CACNA1B: variants seen among roughly 807,000 people sequenced by gnomAD.
The protein encoded by CACNA1B is voltage-dependent N-type calcium channel subunit alpha-1B.
CACNA1B carries 70 observed loss-of-function variants against 247.2 expected under a neutral mutation model. The ratio of observed to expected loss-of-function variants is 0.28; its 90% CI spans 0.23 to 0.35. CACNA1B has a LOEUF of 0.35. Ranked by LOEUF, CACNA1B falls within the 10% of genes least tolerant of loss-of-function variation. The probability of loss-of-function intolerance (pLI) is 1.00; values close to 1 mark genes in which losing one functional copy is unlikely to be tolerated. For synonymous variants in CACNA1B, 1,231 were observed against 1,294.4 expected (o/e 0.95, Z 1.05); for missense variants, 2,367 against 3,197.4 (o/e 0.74, Z 6.26).
chr9:137,878,997 G>A (rs1363839879), intron 1 of CACNA1B, 57 bp from the exon 2 acceptor site: 9 of 1,138,142 alleles, frequency 7.9e-6, no homozygotes, highest in Admixed American at 6.0e-5. Flanking sequence ...CTCTGCTGGC[G>A]TCGGCCTCGT....
chr9:138,085,649 C>T (rs1199695834), intron 36 of CACNA1B, among the ~76,000 whole-genome samples: 1 of 151,182 alleles, frequency 6.6e-6, no homozygotes, highest in African/African-American at 2.4e-5. Context: ...AGCATCAAGT[C>T]ACATATAACA....
intron 10 of CACNA1B, among the ~76,000 whole-genome samples, chr9:137,969,153 G>T (rs902019578): frequency 2.6e-5 from 4 of 152,228 alleles, no homozygotes; most frequent in African/African-American, 9.6e-5. Flanking sequence ...TTGCTGAGCT[G>T]GGATGTGAGG....
chr9:138,073,858 T>C lies in CACNA1B; in HGVS notation c.4792-143T>C, dbSNP rs1960218495. On this transcript the variant is annotated intron_variant, in intron 33 of 46. Coordinates refer to ENST00000371372, the MANE Select transcript of CACNA1B (RefSeq NM_000718.4). This position sits in a 1 kb window ranked among gnomAD's most constrained non-coding sequence, Gnocchi z 6.4. ...AGAGATAAAGAAACTGGGGCATCAC[T>C]TGGTGGAGGGGCTTGGTGGCCAGTG... 2.6e-5 allele frequency: 18 copies of C among 697,216 alleles called. No homozygotes were observed. Among genetic ancestry groups the C allele is most frequent in the Admixed American group, 1.4e-4 (6 of 43,470 alleles). The allele number at this position is 697,216 out of a possible 1,614,324, so 43.2% of individuals were successfully genotyped here.
intron 21 of CACNA1B, among the ~76,000 whole-genome samples, chr9:138,045,270 C>A (rs926955576): frequency 6.6e-6 from 1 of 152,084 alleles, no homozygotes; most frequent in African/African-American, 2.4e-5. Context: ...CCGGAGCACA[C>A]TGAGAAGCGT....
At chr9:137,963,882 A>C (rs893789874) in intron 10 of CACNA1B, among the ~76,000 whole-genome samples, 1 of 152,176 alleles carries the variant, frequency 6.6e-6, no homozygotes, top group Non-Finnish European at 1.5e-5. Context: ...CTTGTAGGGC[A>C]GGTCTGGTAA....
intron 6 of CACNA1B, among the ~76,000 whole-genome samples, chr9:137,936,369 C>T (rs1957668917): frequency 6.6e-6 from 1 of 152,088 alleles, no homozygotes; most frequent in Non-Finnish European, 1.5e-5. Flanking sequence ...GTTCTTTGTG[C>T]ATTCTGGATA....
Position 138,073,442 on chromosome 9 carries a change from C to T in CACNA1B, c.4675-46C>T, listed in dbSNP as rs202018570. 1 of 1,252,702 alleles carries T rather than the reference C, an allele frequency of 8.0e-7. No homozygotes were observed. The highest frequency in any genetic ancestry group is 1.2e-6 in the Non-Finnish European group (1 of 852,238). 77.6% of individuals were successfully genotyped at this position (1,252,702 alleles called of 1,614,324 possible). ...GTAGGGTGGCAGCAGCTTGCCTGCGCTTTCGGGGCTTCTGAAGGTCAGAGA... is the reference window on the plus strand; with the variant it reads ...GTAGGGTGGCAGCAGCTTGCCTGCGTTTTCGGGGCTTCTGAAGGTCAGAGA... On this transcript the variant is annotated intron_variant, in intron 32 of 46. Coordinates refer to ENST00000371372, the MANE Select transcript of CACNA1B (RefSeq NM_000718.4). This position sits in a 1 kb window ranked among gnomAD's most constrained non-coding sequence, Gnocchi z 6.4.
intron 20 of CACNA1B, among the ~76,000 whole-genome samples, chr9:138,027,251 G>A (rs1018466693): frequency 6.6e-6 from 1 of 151,870 alleles, no homozygotes; most frequent in Admixed American, 6.6e-5. Flanking sequence ...TGGTGTTTTC[G>A]ATTGCTAAAA....
intron 20 of CACNA1B, among the ~76,000 whole-genome samples, chr9:138,037,236 C>G (rs1181420796): frequency 6.6e-6 from 1 of 152,208 alleles, no homozygotes; most frequent in Non-Finnish European, 1.5e-5. Flanking sequence ...AGCCTTGGAG[C>G]TGTTGAAGCT....
intron 3 of CACNA1B, among the ~76,000 whole-genome samples, chr9:137,898,519 T>G (rs535873452): frequency 1.3e-5 from 2 of 152,184 alleles, no homozygotes; most frequent in Non-Finnish European, 2.9e-5. Context: ...TTCTTTTTAT[T>G]TTTTGAGACA....
In CACNA1B at chr9:138,012,223, G is replaced by T. The variant is rs1322246754; in HGVS notation, c.2161-906G>T. ...GGGGAAATGGGGACAGACATGGTCT[G>T]CTGGCTCCAGGCAGAAAAGCTCAAA... On this transcript the variant is annotated intron_variant, in intron 17 of 46. Coordinates refer to ENST00000371372, the MANE Select transcript of CACNA1B (RefSeq NM_000718.4). The surrounding 1 kb of genome is among the most constrained non-coding windows in gnomAD (Gnocchi z 4.2). Among the ~76,000 whole-genome samples, 1 of 152,216 alleles carries T rather than the reference G, an allele frequency of 6.6e-6. No homozygotes were observed. The highest frequency in any genetic ancestry group is 2.4e-5 in the African/African-American group (1 of 41,468).
chr9:137,957,731 G>T lies in CACNA1B; in HGVS notation c.1333+44G>T. 7.2e-7 allele frequency: 1 copy of T among 1,388,468 alleles called. No individual in the cohort carries two copies. The highest frequency in any genetic ancestry group is 9.9e-7 in the Non-Finnish European group (1 of 1,013,380). 86.0% of individuals were successfully genotyped at this position (1,388,468 alleles called of 1,614,324 possible). ...CTCCAGCTCTGCCAGGCTTGAGCTG[G>T]ACATGGAGTGCATGCTCCGCTTCCC... On this transcript the variant is annotated intron_variant, in intron 10 of 46. Coordinates refer to ENST00000371372, the MANE Select transcript of CACNA1B (RefSeq NM_000718.4). This position sits in a 1 kb window ranked among gnomAD's most constrained non-coding sequence, Gnocchi z 4.7.
chr9:138,077,248 G>C (rs1960358298), intron 35 of CACNA1B, among the ~76,000 whole-genome samples: 1 of 152,202 alleles, frequency 6.6e-6, no homozygotes, highest in African/African-American at 2.4e-5. Context: ...CGGAGGTGGG[G>C]ACCCAGGCCT....
chr9:138,082,477 C>T (rs780773661), intron 36 of CACNA1B, among the ~76,000 whole-genome samples: 2 of 151,272 alleles, frequency 1.3e-5, no homozygotes. Flanking sequence ...TACAGCTTAG[C>T]GTTTGCCTTA....
chr9:138,084,124 T>C (rs4066674), intron 36 of CACNA1B, among the ~76,000 whole-genome samples: 28,294 of 150,772 alleles, frequency 0.19, 3,435 homozygotes, highest in East Asian at 0.39. Context: ...TGCTAGGGAA[T>C]GGCTTAGAAT....
intron 6 of CACNA1B, among the ~76,000 whole-genome samples, chr9:137,935,878 C>T (rs763604681): frequency 4.0e-5 from 6 of 151,820 alleles, no homozygotes; most frequent in African/African-American, 1.2e-4. Context: ...TGCAGTGGCA[C>T]GATCTTGGCT....
chr9:138,048,825 C>G (rs1959206484), intron 23 of CACNA1B, among the ~76,000 whole-genome samples: 1 of 152,232 alleles, frequency 6.6e-6, no homozygotes, highest in Non-Finnish European at 1.5e-5. Context: ...TCAAGCAATT[C>G]TCATGCCTCA....
intron 40 of CACNA1B, 37 bp downstream of exon 40, chr9:138,112,542 C>T (rs201390561): frequency 1.5e-5 from 20 of 1,328,526 alleles, no homozygotes; most frequent in Non-Finnish European, 2.2e-5. Context: ...CAGCCCCCAC[C>T]TTTACTGTCC....
chr9:138,098,406 TAG>T (rs1961130735), intron 37 of CACNA1B, among the ~76,000 whole-genome samples: 1 of 152,212 alleles, frequency 6.6e-6, no homozygotes. Flanking sequence ...ATGTGTGGTT[TAG>T]AGAGTCGCTG....
Sources: gnomAD v4.1 joint callset for allele counts (sites outside exome capture counted in the v4.1 genomes callset) on GRCh38, gnomAD v4.1.1 for gene constraint, Gnocchi (gnomAD v3.1) non-coding constraint, MANE v1.5 for transcripts, NCBI Gene and HGNC (gene_info 2026-07-23, HGNC 2026-07-21) for gene names.